Variants in LEPR observed in about 807,000 individuals in gnomAD.
The protein encoded by LEPR is OB receptor.
A neutral mutation model predicts 114.7 loss-of-function variants in LEPR; 56 were observed. The ratio of observed to expected loss-of-function variants is 0.49; its 90% CI spans 0.39 to 0.61. The LOEUF (loss-of-function observed/expected upper bound fraction) is 0.61, where lower values mean the gene tolerates loss of function less well. Ranked by LOEUF, LEPR falls within the 20% of genes least tolerant of loss-of-function variation. The pLI is 0.00. For missense variants in LEPR, 1,202 were observed against 1,352.9 expected, an observed-to-expected ratio of 0.89 and a Z score of 1.75; for synonymous variants, 443 against 461.4, an observed-to-expected ratio of 0.96 and a Z score of 0.51.
intron 19 of LEPR, among the ~76,000 whole-genome samples, chr1:65,632,671 G>A (rs1167667427): frequency 6.6e-6 from 1 of 152,084 alleles, no homozygotes; most frequent in African/African-American, 2.4e-5. Flanking sequence ...TAATTTCTGA[G>A]ATCTTATTTC....
intron 15 of LEPR, 26 bp downstream of exon 15, chr1:65,616,250 C>A: frequency 1.2e-6 from 2 of 1,605,356 alleles, no homozygotes; most frequent in Admixed American, 1.7e-5. Flanking sequence ...GAGTGGTAAT[C>A]CATTGCCTCT....
chr1:65,597,676 G>A (rs1656159574), intron 7 of LEPR, among the ~76,000 whole-genome samples: 1 of 152,116 alleles, frequency 6.6e-6, no homozygotes, highest in African/African-American at 2.4e-5. Flanking sequence ...TCAATGAAAG[G>A]CCTCTTGGGC....
At chr1:65,432,566 TAA>T (rs36067009) in intron 2 of LEPR, 277,146 of 873,584 alleles carry the variant, frequency 0.32, 22,375 homozygotes, top group Non-Finnish European at 0.34. Flanking sequence ...CTCATTTGTT[TAA>T]AAAAAAAAAA....
intron 2 of LEPR, among the ~76,000 whole-genome samples, chr1:65,517,097 T>A (rs779789000): frequency 1.3e-5 from 2 of 152,224 alleles, no homozygotes; most frequent in Non-Finnish European, 2.9e-5. Flanking sequence ...CCTCTACCAG[T>A]TTGTTCCAGA....
chr1:65,628,119 A>T (rs961148211), intron 19 of LEPR, among the ~76,000 whole-genome samples: 1 of 152,186 alleles, frequency 6.6e-6, no homozygotes, highest in Non-Finnish European at 1.5e-5. Flanking sequence ...ACATTTATTT[A>T]AAACCACTAT....
intron 2 of LEPR, among the ~76,000 whole-genome samples, chr1:65,497,227 T>G (rs1300422823): frequency 6.6e-6 from 1 of 152,184 alleles, no homozygotes; most frequent in Non-Finnish European, 1.5e-5. Context: ...TAATTTTTAT[T>G]CAGAAAAGAG....
chr1:65,551,324 G>A (rs879191815), intron 2 of LEPR, among the ~76,000 whole-genome samples: 1 of 152,028 alleles, frequency 6.6e-6, no homozygotes, highest in South Asian at 2.1e-4. Context: ...GGTAGAATTC[G>A]GCTGTGAATC....
intron 5 of LEPR, among the ~76,000 whole-genome samples, chr1:65,582,879 C>T (rs770978819): frequency 2.6e-5 from 4 of 152,054 alleles, no homozygotes; most frequent in Non-Finnish European, 2.9e-5. Context: ...GTCAAGTAAC[C>T]ACCCCATTTC....
At chr1:65,537,361 A>G (rs80323738) in intron 2 of LEPR, among the ~76,000 whole-genome samples, 2,922 of 152,240 alleles carry the variant, frequency 0.019, 30 homozygotes, top group Non-Finnish European at 0.03. Flanking sequence ...TACCTACACT[A>G]AAGGGTATAA....
chr1:65,634,840 A>C, intron 19 of LEPR: 1 of 891,780 alleles, frequency 1.1e-6, no homozygotes, highest in Non-Finnish European at 1.3e-6. Flanking sequence ...GAGCAAGCAA[A>C]TATTTGAAGA....
At chr1:65,627,095 G>A (rs2101027395) in intron 19 of LEPR, among the ~76,000 whole-genome samples, 1 of 152,110 alleles carries the variant, frequency 6.6e-6, no homozygotes, top group East Asian at 1.9e-4. Context: ...TAAAACTGAG[G>A]CCCAGAGTGG....
chr1:65,539,851 A>G (rs1053235460), intron 2 of LEPR, among the ~76,000 whole-genome samples: 1 of 152,182 alleles, frequency 6.6e-6, no homozygotes, highest in Non-Finnish European at 1.5e-5. Context: ...CAGTCATAAC[A>G]TGCAGTATCC....
chr1:65,581,751 A>G (rs949569075), intron 5 of LEPR, among the ~76,000 whole-genome samples: 3 of 152,148 alleles, frequency 2.0e-5, no homozygotes, highest in Non-Finnish European at 4.4e-5. Flanking sequence ...TTCAATGTAT[A>G]TCTCTCCTCT....
At chr1:65,575,786 G>T (rs4655680) in intron 5 of LEPR, among the ~76,000 whole-genome samples, 43,535 of 151,246 alleles carry the variant, frequency 0.29, 7,639 homozygotes, top group East Asian at 0.83. Flanking sequence ...GCTGAGTTTT[G>T]TCATTGTGTA....
At chr1:65,453,076 T>G (rs1646810904) in intron 2 of LEPR, among the ~76,000 whole-genome samples, 1 of 152,230 alleles carries the variant, frequency 6.6e-6, no homozygotes. Flanking sequence ...TAGAGGTGTT[T>G]GTAGTATTCT....
chr1:65,424,966 G>A (rs1646330416), intron 1 of LEPR, among the ~76,000 whole-genome samples: 1 of 152,190 alleles, frequency 6.6e-6, no homozygotes, highest in Non-Finnish European at 1.5e-5. Context: ...ACATAATGCA[G>A]TCTGTAACGG....
At chr1:65,452,206 C>A (rs545621178) in intron 2 of LEPR, among the ~76,000 whole-genome samples, 1 of 152,302 alleles carries the variant, frequency 6.6e-6, no homozygotes, top group East Asian at 1.9e-4. Context: ...TCTAGATATA[C>A]AATCCTGTCG....
intron 6 of LEPR, among the ~76,000 whole-genome samples, chr1:65,593,490 TATTTA>T (rs1655846845): frequency 6.6e-6 from 1 of 152,142 alleles, no homozygotes; most frequent in Non-Finnish European, 1.5e-5. Flanking sequence ...TAGCGCTATG[TATTTA>T]ATTTATTAAT....
chr1:65,448,062 A>C (rs1275792779), intron 2 of LEPR, among the ~76,000 whole-genome samples: 1 of 152,170 alleles, frequency 6.6e-6, no homozygotes, highest in Admixed American at 6.5e-5. Flanking sequence ...TGATGTTGAA[A>C]AGGAGTGGTG....
Sources: allele counts gnomAD v4.1 joint callset (sites outside exome capture counted in the v4.1 genomes callset), GRCh38; gene constraint gnomAD v4.1.1; transcripts MANE v1.5; gene names NCBI Gene and HGNC (gene_info 2026-07-23, HGNC 2026-07-21).